The following LRP1B variants were observed in gnomAD, a reference collection of about 807,000 sequenced individuals.
The protein encoded by LRP1B is LDL receptor related protein 1B.
LRP1B carries 217 observed loss-of-function variants against 556.6 expected under a neutral mutation model. That is an observed-to-expected ratio of 0.39 (90% CI 0.35 to 0.44). The LOEUF is 0.44. LRP1B is among the 20% of genes least tolerant of loss of function. The pLI is 1.00. For missense variants in LRP1B, 5,053 were observed against 5,620.8 expected (o/e 0.90, Z 3.23); for synonymous variants, 2,047 against 1,865.8 (o/e 1.10, Z -2.50).
At chr2:141,558,263 A>T (rs1404588038) in intron 2 of LRP1B, among the ~76,000 whole-genome samples, 1 of 151,856 alleles carries the variant, frequency 6.6e-6, no homozygotes, top group Non-Finnish European at 1.5e-5. Context: ...TTACTTTGCC[A>T]GAAACCTATG....
At chr2:141,464,602 A>ATTTTTTTTTTTTTTT (rs1327185759) in intron 3 of LRP1B, among the ~76,000 whole-genome samples, 1 of 73,460 alleles carries the variant, frequency 1.4e-5, no homozygotes, top group Non-Finnish European at 2.8e-5. Context: ...ATATATATAT[A>ATTTTTTTTTTTTTTT]TATATTTTTT....
chr2:140,499,375 A>G (rs1241750417), intron 55 of LRP1B, among the ~76,000 whole-genome samples: 6 of 151,920 alleles, frequency 3.9e-5, no homozygotes, highest in African/African-American at 1.4e-4. Flanking sequence ...TTAAATACAC[A>G]TGGAATAAAC....
intron 86 of LRP1B, among the ~76,000 whole-genome samples, chr2:140,255,242 A>C (rs1681623401): frequency 1.3e-5 from 2 of 152,154 alleles, no homozygotes; most frequent in African/African-American, 4.8e-5. Context: ...TTCTTTCCTA[A>C]TCCCAGTGTT....
At chr2:141,102,715 A>G (rs1700497703) in intron 7 of LRP1B, among the ~76,000 whole-genome samples, 1 of 152,128 alleles carries the variant, frequency 6.6e-6, no homozygotes, top group African/African-American at 2.4e-5. Context: ...TAATCCAAGA[A>G]TGCTTTTATG....
intron 41 of LRP1B, among the ~76,000 whole-genome samples, chr2:140,679,636 G>C (rs1381554821): frequency 6.6e-6 from 1 of 152,054 alleles, no homozygotes; most frequent in South Asian, 2.1e-4. Flanking sequence ...GTGGTGGCTC[G>C]GGTTTCCGTT....
intron 2 of LRP1B, among the ~76,000 whole-genome samples, chr2:141,780,811 C>T (rs182328912): frequency 9.1e-4 from 139 of 152,200 alleles, no homozygotes; most frequent in Admixed American, 4.4e-3. Context: ...CTTTATTTAC[C>T]TTCATTAGTC....
intron 1 of LRP1B, among the ~76,000 whole-genome samples, chr2:141,963,980 A>C (rs1409854789): frequency 3.7e-5 from 3 of 80,494 alleles, no homozygotes; most frequent in African/African-American, 1.6e-4. Flanking sequence ...ATCATGAGTG[A>C]ACTCCCATTC....
intron 7 of LRP1B, among the ~76,000 whole-genome samples, chr2:141,122,216 A>G (rs1701071217): frequency 1.3e-5 from 2 of 152,292 alleles, no homozygotes; most frequent in South Asian, 4.1e-4. Flanking sequence ...CTAAAACACA[A>G]AAAGCAATGG....
intron 33 of LRP1B, among the ~76,000 whole-genome samples, chr2:140,772,080 T>C (rs1354741805): frequency 6.6e-6 from 1 of 152,336 alleles, no homozygotes; most frequent in Admixed American, 6.5e-5. Flanking sequence ...GCTCATGTCC[T>C]GTATCTGCCA....
intron 52 of LRP1B, among the ~76,000 whole-genome samples, chr2:140,507,932 T>TA (rs1405976830): frequency 2.6e-5 from 4 of 152,188 alleles, no homozygotes; most frequent in Admixed American, 2.6e-4. Flanking sequence ...ATGTATCTGA[T>TA]ACATTTCTTA....
chr2:140,765,740 G>T (rs1005193500), intron 35 of LRP1B, among the ~76,000 whole-genome samples: 3 of 152,052 alleles, frequency 2.0e-5, no homozygotes, highest in African/African-American at 7.2e-5. Context: ...GAAAGATTCA[G>T]ATCTGTTAAT....
chr2:141,873,991 G>T (rs1162868094), intron 1 of LRP1B, among the ~76,000 whole-genome samples: 1 of 150,382 alleles, frequency 6.6e-6, no homozygotes, highest in East Asian at 2.0e-4. Flanking sequence ...ACCATCAAGA[G>T]GTATGCATAG....
Position 142,001,887 on chromosome 2 carries a change from T to C in LRP1B, c.82+128761A>G, listed in dbSNP as rs1427112564. Among the ~76,000 whole-genome samples the C allele has an allele frequency of 2.0e-5, 3 of 152,172 alleles. No homozygotes were observed. In the East Asian group the frequency reaches 5.8e-4, roughly 29 times the overall value. On this transcript the variant is annotated intron_variant, in intron 1 of 90. Coordinates refer to ENST00000389484, the MANE Select transcript of LRP1B (RefSeq NM_018557.3). ...ATGCTGAAAATTGTGGGGTACATTTTCAAAGCGGCATGCTCTAATTTACCC... is the reference window on the plus strand; with the variant it reads ...ATGCTGAAAATTGTGGGGTACATTTCCAAAGCGGCATGCTCTAATTTACCC...
intron 3 of LRP1B, among the ~76,000 whole-genome samples, chr2:141,413,538 G>A (rs993387201): frequency 2.6e-5 from 4 of 152,120 alleles, no homozygotes; most frequent in Admixed American, 1.3e-4. Context: ...TTTGATTTGC[G>A]AATTACAGAA....
intron 11 of LRP1B, among the ~76,000 whole-genome samples, chr2:141,025,785 A>G (rs1698201602): frequency 1.3e-5 from 2 of 152,038 alleles, no homozygotes; most frequent in African/African-American, 4.8e-5. Flanking sequence ...AGAGAATCCT[A>G]ACTAGTACAC....
At chr2:140,971,002 A>G (rs1332016137) in intron 18 of LRP1B, among the ~76,000 whole-genome samples, 2 of 152,104 alleles carry the variant, frequency 1.3e-5, no homozygotes, top group African/African-American at 4.8e-5. Flanking sequence ...TGGTCTCCCA[A>G]TGCCTCAGCA....
intron 2 of LRP1B, among the ~76,000 whole-genome samples, chr2:141,510,555 G>C (rs985646594): frequency 5.9e-5 from 9 of 152,108 alleles, no homozygotes; most frequent in African/African-American, 2.2e-4. Flanking sequence ...TTTTATGAAA[G>C]AGGAAAATAA....
At chr2:141,313,612 A>G (rs1369449938) in intron 3 of LRP1B, among the ~76,000 whole-genome samples, 2 of 152,190 alleles carry the variant, frequency 1.3e-5, no homozygotes, top group Non-Finnish European at 2.9e-5. Flanking sequence ...TATTGGAATG[A>G]GAAAACATCA....
At chr2:140,307,185 G>C (rs536394465) in intron 83 of LRP1B, among the ~76,000 whole-genome samples, 104 of 151,974 alleles carry the variant, frequency 6.8e-4, no homozygotes, top group African/African-American at 2.4e-3. Context: ...TTGGAATAAA[G>C]TCACGTTTGA....
Sources: gnomAD v4.1 joint callset for allele counts (sites outside exome capture counted in the v4.1 genomes callset) on GRCh38, gnomAD v4.1.1 for gene constraint, MANE v1.5 for transcripts, NCBI Gene and HGNC (gene_info 2026-07-23, HGNC 2026-07-21) for gene names.